Variants in SLC2A9 observed in about 807,000 individuals in gnomAD.
SLC2A9 encodes solute carrier family 2 member 9.
Under a neutral mutation model 50.6 loss-of-function variants are expected in SLC2A9, and 39 were observed. The observed-to-expected ratio is 0.77, with a 90% CI of 0.60 to 1.01. The LOEUF is 1.01. Among genes scored for constraint, SLC2A9 ranks in the 50% least tolerant of loss-of-function variants. The pLI is 0.00. For synonymous variants in SLC2A9, 324 were observed against 276.9 expected (o/e 1.17, Z -1.69); for missense variants, 686 against 677.6 (o/e 1.01, Z -0.14).
intron 3 of SLC2A9, among the ~76,000 whole-genome samples, chr4:9,801,596 T>C (rs73805856): frequency 8.2e-4 from 125 of 152,236 alleles, no homozygotes; most frequent in African/African-American, 2.9e-3. Context: ...AGACATTAAC[T>C]CTCCTGAACT....
At chr4:9,975,070 G>A (rs1754564104) in intron 5 of SLC2A9, among the ~76,000 whole-genome samples, 1 of 152,124 alleles carries the variant, frequency 6.6e-6, no homozygotes, top group Admixed American at 6.5e-5. Flanking sequence ...GAATGTAACT[G>A]GACCCCTACA....
chr4:9,998,450 G>A (rs1759139754), intron 2 of SLC2A9, among the ~76,000 whole-genome samples: 1 of 152,132 alleles, frequency 6.6e-6, no homozygotes, highest in African/African-American at 2.4e-5. Flanking sequence ...TTGAAGCAGT[G>A]GCCAGTACTT....
intron 4 of SLC2A9, 49 bp downstream of exon 4, chr4:9,985,619 AC>A (rs1560438876): frequency 4.3e-6 from 7 of 1,612,142 alleles, no homozygotes; most frequent in Non-Finnish European, 5.9e-6. Flanking sequence ...ATTTTGGGAC[AC>A]CCCCAAGGAG....
intron 2 of SLC2A9, 69 bp from the exon 3 acceptor site, chr4:9,997,010 C>T: frequency 1.3e-6 from 2 of 1,570,310 alleles, no homozygotes; most frequent in Non-Finnish European, 1.8e-6. Context: ...AGCCAGTGTA[C>T]AAAACAAAAC....
intron 5 of SLC2A9, among the ~76,000 whole-genome samples, chr4:9,948,903 T>C (rs541378709): frequency 7.1e-4 from 108 of 152,356 alleles, no homozygotes; most frequent in Admixed American, 1.7e-3. Context: ...CAAATCTTCA[T>C]GTCCATCCAC....
chr4:9,896,135 T>C (rs189288733), intron 8 of SLC2A9, among the ~76,000 whole-genome samples: 3 of 152,264 alleles, frequency 2.0e-5, no homozygotes, highest in Admixed American at 2.0e-4. Context: ...ATAAGTGGAA[T>C]GACTGAGTTG....
intron 8 of SLC2A9, among the ~76,000 whole-genome samples, chr4:9,896,342 C>T (rs1253399573): frequency 6.6e-6 from 1 of 152,148 alleles, no homozygotes; most frequent in Non-Finnish European, 1.5e-5. Flanking sequence ...GTTTTAATTT[C>T]CCTGGTGACA....
intron 6 of SLC2A9, among the ~76,000 whole-genome samples, chr4:9,932,341 T>C (rs1291984413): frequency 6.6e-6 from 1 of 152,122 alleles, no homozygotes; most frequent in Non-Finnish European, 1.5e-5. Context: ...ATGCCTACTG[T>C]ATGCCAGGCA....
intron 3 of SLC2A9, among the ~76,000 whole-genome samples, chr4:9,799,692 A>ACCC (rs57223650): frequency 0.083 from 5,758 of 69,210 alleles, 223 homozygotes; most frequent in East Asian, 0.22. Context: ...TTCCAATTGT[A>ACCC]CCCCCCCCCC....
upstream of SLC2A9, among the ~76,000 whole-genome samples, chr4:10,021,951 G>A (rs1323073147): frequency 6.6e-6 from 1 of 151,450 alleles, no homozygotes; most frequent in Non-Finnish European, 1.5e-5. Flanking sequence ...CAATTCTCCT[G>A]CCTCAGCCTC....
At chr4:9,819,357 T>G (rs899219020) in intron 3 of SLC2A9, among the ~76,000 whole-genome samples, 1 of 152,156 alleles carries the variant, frequency 6.6e-6, no homozygotes, top group African/African-American at 2.4e-5. Context: ...CTATGAGGAT[T>G]TTTTATTTTA....
chr4:9,982,310 G>A (rs1756019089), intron 4 of SLC2A9, among the ~76,000 whole-genome samples: 1 of 152,224 alleles, frequency 6.6e-6, no homozygotes, highest in Non-Finnish European at 1.5e-5. Context: ...GGGTTGGTGA[G>A]AATACATGAC....
At chr4:9,803,359 G>T (rs971867882) in intron 3 of SLC2A9, among the ~76,000 whole-genome samples, 56 of 152,222 alleles carry the variant, frequency 3.7e-4, no homozygotes, top group African/African-American at 1.1e-3. Flanking sequence ...CTAGCAGTAT[G>T]CATTGTCATT....
intron 10 of SLC2A9, among the ~76,000 whole-genome samples, chr4:9,841,057 G>A (rs1438151094): frequency 1.3e-5 from 2 of 152,022 alleles, no homozygotes. Flanking sequence ...TGACATGTGG[G>A]GATTACAATT....
chr4:9,972,171 T>C (rs1426657412), intron 5 of SLC2A9, among the ~76,000 whole-genome samples: 2 of 152,184 alleles, frequency 1.3e-5, no homozygotes, highest in Non-Finnish European at 2.9e-5. Flanking sequence ...CAACCATTAG[T>C]ATATTTCTTT....
rs180924074 is a variant in SLC2A9, at chr4:9,810,067, T to C, written n.421-10826A>G. Among the ~76,000 whole-genome samples the C allele has an allele frequency of 2.8e-4, 43 of 152,276 alleles. 1 individual carries two copies. In the East Asian group the frequency reaches 7.9e-3, roughly 28 times the overall value. ...TTCTAGCACATCACCATGTTCTAAT[T>C]GTTGGCATTGCACTGATCACCATTT... is the stretch of plus-strand genomic sequence containing the variant. On this transcript the variant is annotated intron_variant and non_coding_transcript_variant, in intron 3 of 3. Coordinates refer to the SLC2A9 transcript ENST00000503280.
intron 1 of SLC2A9, among the ~76,000 whole-genome samples, chr4:10,019,527 G>A (rs2240723): frequency 0.1 from 15,744 of 152,268 alleles, 1,427 homozygotes; most frequent in East Asian, 0.46. Flanking sequence ...TTACAGGTGA[G>A]GAAAGAGGGG....
chr4:9,824,629 A>G (rs951032253), downstream of SLC2A9, among the ~76,000 whole-genome samples: 3 of 152,140 alleles, frequency 2.0e-5, no homozygotes, highest in Non-Finnish European at 2.9e-5. Context: ...TTGATTTTCT[A>G]TCTTCTCTGG....
intron 10 of SLC2A9, among the ~76,000 whole-genome samples, chr4:9,880,837 C>T (rs977396701): frequency 3.9e-5 from 6 of 152,230 alleles, no homozygotes; most frequent in Non-Finnish European, 8.8e-5. Context: ...GTGGCACTGT[C>T]CCAGATAACT....
Sources: gnomAD v4.1 joint callset for allele counts (sites outside exome capture counted in the v4.1 genomes callset) on GRCh38, gnomAD v4.1.1 for gene constraint, MANE v1.5 for transcripts, NCBI Gene and HGNC (gene_info 2026-07-23, HGNC 2026-07-21) for gene names.